The following ZFAND2A variants were observed in gnomAD, a reference collection of about 807,000 sequenced individuals.
The protein encoded by ZFAND2A is zinc finger AN1-type containing 2A, also known as AN1-type zinc finger protein 2A.
ZFAND2A carries 20 observed loss-of-function variants against 11.6 expected under a neutral mutation model. The ratio of observed to expected loss-of-function variants is 1.72; its 90% CI spans 1.21 to 2.50. The LOEUF is 2.50. Ranked by LOEUF, ZFAND2A falls within the 30% of genes most tolerant of loss-of-function variation. The pLI is 0.00. For synonymous variants in ZFAND2A, 93 were observed against 60.6 expected, an observed-to-expected ratio of 1.54 and a Z score of -2.48; for missense variants, 234 against 182.9, an observed-to-expected ratio of 1.28 and a Z score of -1.61.
chr7:1,158,965 C>T (rs1454994745), intron 1 of ZFAND2A, among the ~76,000 whole-genome samples: 2 of 152,166 alleles, frequency 1.3e-5, no homozygotes, highest in Non-Finnish European at 2.9e-5. Context: ...CTGACCTTCC[C>T]ATCAGCTCTC....
chr7:1,158,237 G>A lies in ZFAND2A; in HGVS notation c.-25C>T. The A allele has an allele frequency of 2.5e-6, 4 of 1,612,488 alleles. No individual in the cohort carries two copies. The highest frequency in any genetic ancestry group is 3.4e-6 in the Non-Finnish European group (4 of 1,179,002). The stretch of plus-strand genomic sequence containing the variant: ...TTATGAGAACAGTGCTCAAAACGCA[G>A]ATGGCGGAGTTAAGTGTCACCTACA... On this transcript the variant is annotated 5_prime_UTR_variant, in exon 2 of 5. Coordinates refer to ENST00000316495, the MANE Select transcript of ZFAND2A (RefSeq NM_182491.4).
At chr7:1,159,345 G>C (rs1301372530) in intron 1 of ZFAND2A, among the ~76,000 whole-genome samples, 1 of 152,228 alleles carries the variant, frequency 6.6e-6, no homozygotes, top group Admixed American at 6.5e-5. Context: ...CGGGCCCGCA[G>C]CAAGAAAACA....
downstream of ZFAND2A, chr7:1,152,317 G>A (rs370826226): frequency 4.8e-4 from 763 of 1,580,464 alleles, 23 homozygotes; most frequent in South Asian, 8.7e-3. Context: ...CCAACGGCCT[G>A]GATTCAGAGA....
At chr7:1,150,166 GAT>G (rs1432072704), downstream of ZFAND2A, among the ~76,000 whole-genome samples, 1 of 151,378 alleles carries the variant, frequency 6.6e-6, no homozygotes, top group Non-Finnish European at 1.5e-5. Flanking sequence ...AAAAAAAAAA[GAT>G]ATAGTGAAAA....
downstream of ZFAND2A, among the ~76,000 whole-genome samples, chr7:1,149,856 T>A (rs1289183979): frequency 1.4e-5 from 2 of 140,336 alleles, no homozygotes; most frequent in African/African-American, 5.2e-5. Context: ...TTCTTAAGTT[T>A]TTTTTTTTTT....
At chr7:1,149,250 A>C (rs1022306612), downstream of ZFAND2A, among the ~76,000 whole-genome samples, 1 of 152,246 alleles carries the variant, frequency 6.6e-6, no homozygotes, top group Non-Finnish European at 1.5e-5. Context: ...GACTGAACCA[A>C]GTTAGTGGTT....
At chr7:1,152,448 GGACGCCA>G, downstream of ZFAND2A, 1 of 1,365,076 alleles carries the variant, frequency 7.3e-7, no homozygotes, top group Non-Finnish European at 9.7e-7. Context: ...GCCCAGGGAT[GGACGCCA>G]GACACCACCA....
chr7:1,158,124 A>G (rs752697597), intron 2 of ZFAND2A, 34 bp downstream of exon 2: 3 of 1,602,182 alleles, frequency 1.9e-6, no homozygotes, highest in Admixed American at 3.4e-5. Flanking sequence ...CCAACAAAAT[A>G]CCATTTTCTA....
chr7:1,155,717 G>T, intron 3 of ZFAND2A, 133 bp from the exon 4 acceptor site: 1 of 1,159,078 alleles, frequency 8.6e-7, no homozygotes, highest in Non-Finnish European at 1.2e-6. Flanking sequence ...AGCCCTCCGA[G>T]AACAAAGCAT....
chr7:1,154,978 T>C (rs1362152849), intron 4 of ZFAND2A, among the ~76,000 whole-genome samples: 1 of 151,970 alleles, frequency 6.6e-6, no homozygotes, highest in Non-Finnish European at 1.5e-5. Flanking sequence ...GTTAGCTGGA[T>C]GTGGTGGCAT....
At position 1,155,556 on chromosome 7, in the gene ZFAND2A, C is replaced by T. The variant is rs1562345880; in HGVS notation, c.179G>A (p.Cys60Tyr). 3 of 1,613,754 alleles carry T rather than the reference C, an allele frequency of 1.9e-6. No individual in the cohort carries two copies. The East Asian group carries it at 6.7e-5, about 36-fold the overall frequency. The change falls in exon 4 of 5, where the codon TGT (cysteine) becomes TAT (tyrosine). Residue 60 changes from cysteine to tyrosine, a missense_variant. Cys to Tyr is a radical substitution (Grantham distance 194). Coordinates refer to ENST00000316495, the MANE Select transcript of ZFAND2A (RefSeq NM_182491.4). ...KDVHVPVCPL[C>Y]NTPIPVKKGQ... The stretch of plus-strand genomic sequence containing the variant: ...CTTTTTTACTGGGATGGGGGTATTA[C>T]AGAGTGGGCATACTGGGACGTGAAC...
chr7:1,157,862 G>T (rs1279365873), intron 2 of ZFAND2A, 112 bp from the exon 3 acceptor site: 2 of 804,196 alleles, frequency 2.5e-6, no homozygotes, highest in Non-Finnish European at 1.9e-6. Context: ...AGATGGACAG[G>T]TCCTCGAGGG....
At chr7:1,152,209 C>T (rs749929092), downstream of ZFAND2A, 11 of 1,532,502 alleles carry the variant, frequency 7.2e-6, no homozygotes, top group African/African-American at 4.1e-5. Context: ...CCAAGAGCTG[C>T]AGCACCCCAC....
At chr7:1,150,281 G>A (rs1001116824), downstream of ZFAND2A, among the ~76,000 whole-genome samples, 1 of 151,752 alleles carries the variant, frequency 6.6e-6, no homozygotes, top group Non-Finnish European at 1.5e-5. Context: ...AACGCCAACA[G>A]AATACAAACC....
chr7:1,157,410 G>A (rs76404170), intron 3 of ZFAND2A: 6,900 of 358,604 alleles, frequency 0.019, 368 homozygotes, highest in East Asian at 0.18. Context: ...GTGACTCCAT[G>A]AGTCCCTGAA....
At chr7:1,149,364 G>A (rs1483572949), downstream of ZFAND2A, among the ~76,000 whole-genome samples, 7 of 152,316 alleles carry the variant, frequency 4.6e-5, no homozygotes, top group South Asian at 1.0e-3. Context: ...TTGTCCAAGT[G>A]CAGTCCCAGA....
intron 3 of ZFAND2A, 48 bp from the exon 4 acceptor site, chr7:1,155,632 A>C: frequency 6.3e-7 from 1 of 1,597,380 alleles, no homozygotes; most frequent in Middle Eastern, 1.7e-4. Context: ...TGCAACTTAA[A>C]CTCACAGAAG....
At chr7:1,159,344 A>G (rs1793618010) in intron 1 of ZFAND2A, among the ~76,000 whole-genome samples, 1 of 152,242 alleles carries the variant, frequency 6.6e-6, no homozygotes, top group Non-Finnish European at 1.5e-5. Flanking sequence ...CCGGGCCCGC[A>G]GCAAGAAAAC....
At chr7:1,151,106 T>C (rs1793389337), downstream of ZFAND2A, among the ~76,000 whole-genome samples, 1 of 152,120 alleles carries the variant, frequency 6.6e-6, no homozygotes, top group Non-Finnish European at 1.5e-5. Context: ...CAGGCTGGTC[T>C]CAAACTCCTG....
Sources: gnomAD v4.1 joint callset for allele counts (sites outside exome capture counted in the v4.1 genomes callset) on GRCh38, gnomAD v4.1.1 for gene constraint, MANE v1.5 for transcripts, NCBI Gene and HGNC (gene_info 2026-07-23, HGNC 2026-07-21) for gene names.